DNAH10: variants seen among roughly 807,000 people sequenced by gnomAD.
DNAH10 encodes dynein axonemal heavy chain 10.
A neutral mutation model predicts 506.6 loss-of-function variants in DNAH10; 348 were observed. The ratio of observed to expected loss-of-function variants is 0.69; its 90% confidence interval spans 0.63 to 0.75. DNAH10 has a LOEUF of 0.75. DNAH10 is among the 30% of genes least tolerant of loss of function. The pLI, the probability that DNAH10 is intolerant of heterozygous loss-of-function variation, is 0.00. For missense variants in DNAH10, 5,179 were observed against 5,787.1 expected, an observed-to-expected ratio of 0.89 and a Z score of 3.41; for synonymous variants, 2,059 against 2,198.6, an observed-to-expected ratio of 0.94 and a Z score of 1.78.
chr12:123,824,121 G>A (rs767355024), intron 24 of DNAH10, among the ~76,000 whole-genome samples: 8 of 152,136 alleles, frequency 5.3e-5, no homozygotes, highest in Non-Finnish European at 7.4e-5. Context: ...GGGTGGCAGC[G>A]GTGCAGGTTG....
chr12:123,845,954 C>T lies in DNAH10; in HGVS notation c.5631-17C>T, dbSNP rs752937906. 2 of 1,613,454 alleles carry T rather than the reference C, an allele frequency of 1.2e-6. No individual in the cohort carries two copies. The highest frequency in any genetic ancestry group is 2.2e-5 in the East Asian group (1 of 44,876). ...GTCTCAACGGTTTCCACTTCCTCCA[C>T]CTTTCTTGCCGTCCAGTATCCTGGA... On this transcript the variant is annotated splice_polypyrimidine_tract_variant and intron_variant, in intron 31 of 78. Transcript: ENST00000673944.
chr12:123,928,918 T>A lies in DNAH10; in HGVS notation c.12306+331T>A. The A allele has an allele frequency of 2.1e-6, 1 of 469,490 alleles. No homozygotes were observed. The allele number at this position is 469,490 out of a possible 1,614,324, so 29.1% of individuals were successfully genotyped here. On this transcript the variant is annotated intron_variant, in intron 70 of 78. Coordinates refer to ENST00000673944, the MANE Select transcript of DNAH10 (RefSeq NM_001372106.1). This position sits in a 1 kb window ranked among gnomAD's most constrained non-coding sequence, Gnocchi z 4.9. ...CTGACTGCAGGAGTTTCGCGTGGTT[T>A]ACATGCCCCATTTAATTTATTCTCC... is the stretch of plus-strand genomic sequence containing the variant.
chr12:123,845,814 G>A lies in DNAH10; in HGVS notation c.5575G>A (p.Val1859Ile). The change falls in exon 31 of 79, where the codon GTT (valine) becomes ATT (isoleucine). Residue 1859 changes from valine to isoleucine, a missense_variant. Transcript: ENST00000673944. ...AAACGACAGGAAAAAATACAACACT[G>A]TTCTCATCATTGATGTGCATGCCAG... ...SKNDRKKYNT[V>I]LIIDVHARDI... The A allele has an allele frequency of 6.2e-7, 1 of 1,614,030 alleles. No homozygotes were observed. Among genetic ancestry groups the A allele is most frequent in the Non-Finnish European group, 8.5e-7 (1 of 1,179,900 alleles).
chr12:123,864,025 G>A (rs1385233106), intron 39 of DNAH10, among the ~76,000 whole-genome samples: 3 of 152,122 alleles, frequency 2.0e-5, no homozygotes, highest in Admixed American at 1.3e-4. Context: ...TTGTTCCCAC[G>A]AAGGAATCCA....
chr12:123,908,555 C>T (rs779757215), intron 57 of DNAH10: 36 of 455,990 alleles, frequency 7.9e-5, no homozygotes, highest in Non-Finnish European at 1.4e-4. Flanking sequence ...TGGGATGCCC[C>T]GGTGAGATGG....
At position 123,923,754 on chromosome 12, in the gene DNAH10, T is replaced by G; in HGVS notation, c.11507-9T>G. 6.3e-7 allele frequency: 1 copy of G among 1,584,834 alleles called. No homozygotes were observed. The highest frequency in any genetic ancestry group is 8.6e-7 in the Non-Finnish European group (1 of 1,168,260). On this transcript the variant is annotated splice_polypyrimidine_tract_variant and intron_variant, in intron 65 of 78. Coordinates refer to ENST00000673944, the MANE Select transcript of DNAH10 (RefSeq NM_001372106.1). ...AAGAAATCAATACTCATCTGATGTT[T>G]CCCTCCAGGGCTGTTTGAGAGGCAC...
intron 28 of DNAH10, among the ~76,000 whole-genome samples, chr12:123,837,138 A>G (rs920500262): frequency 9.7e-5 from 14 of 144,870 alleles, no homozygotes; most frequent in African/African-American, 3.6e-4. Flanking sequence ...GATGTGAGCC[A>G]CTGTGCCCAG....
At chr12:123,821,956 C>T (rs183939670) in intron 24 of DNAH10, among the ~76,000 whole-genome samples, 62 of 152,094 alleles carry the variant, frequency 4.1e-4, no homozygotes, top group Non-Finnish European at 6.5e-4. Flanking sequence ...CCTGTAATCC[C>T]AGCACTTTGG....
rs150466774 is a variant in DNAH10 at position 123,926,685 on chromosome 12, C to A, written c.11970C>A (p.Ser3990Arg). The A allele has an allele frequency of 6.2e-7, 1 of 1,613,966 alleles. No homozygotes were observed. Among genetic ancestry groups the A allele is most frequent in the African/African-American group, 1.3e-5 (1 of 75,026 alleles). The change falls in exon 69 of 79, where the codon AGC becomes AGA. Residue 3990 changes from serine to arginine, a missense_variant. Physicochemically the swap from Ser to Arg is moderately radical, Grantham distance 110. Coordinates refer to ENST00000673944, the MANE Select transcript of DNAH10 (RefSeq NM_001372106.1). The surrounding 1 kb of genome is among the most constrained non-coding windows in gnomAD (Gnocchi z 4.1). ...MISFEAIFEQ[S>R]TPHSPIVFIL... ...GCTTTGAAGCTATTTTTGAGCAGAG[C>A]ACTCCACATTCGCCCATTGTGTTTA...
At chr12:123,838,306 G>A (rs147888704) in intron 28 of DNAH10, 150 bp from the exon 29 acceptor site, 8 of 627,382 alleles carry the variant, frequency 1.3e-5, no homozygotes, top group African/African-American at 9.2e-5. Context: ...AATGATAAAT[G>A]GATCCCCTGA....
intron 39 of DNAH10, 111 bp from the exon 40 acceptor site, chr12:123,864,483 TG>T: frequency 7.0e-7 from 1 of 1,432,322 alleles, no homozygotes; most frequent in Non-Finnish European, 9.3e-7. Context: ...TCTCAGATAC[TG>T]GGTAGAAAAC....
At chr12:123,852,677 G>T (rs2136744642) in intron 35 of DNAH10, among the ~76,000 whole-genome samples, 1 of 152,070 alleles carries the variant, frequency 6.6e-6, no homozygotes, top group East Asian at 1.9e-4. Flanking sequence ...GGTTCAAGCG[G>T]ATTCTCCTGC....
Position 123,931,424 on chromosome 12 carries a change from G to A in DNAH10, c.12868G>A (p.Ala4290Thr). Reference sequence around the variant, plus strand: ...CGCTGAGATTGGCTATTACACGCAGGCGGCTCGAGACATGTGGGCTCACCT... The same window carrying A: ...CGCTGAGATTGGCTATTACACGCAGACGGCTCGAGACATGTGGGCTCACCT... ...PNAEIGYYTQ[A>T]ARDMWAHLLE... Residue 4290 changes from alanine to threonine, a missense_variant, in exon 74 of 79, where the codon GCG becomes ACG. Ala to Thr is a moderately conservative substitution (Grantham distance 58). Transcript: ENST00000673944. 1.9e-6 allele frequency: 3 copies of A among 1,614,000 alleles called. No homozygotes were observed. The highest frequency in any genetic ancestry group is 2.5e-6 in the Non-Finnish European group (3 of 1,179,898).
chr12:123,913,050 C>G lies in DNAH10; in HGVS notation c.10135-48C>G, dbSNP rs548012748. The G allele has an allele frequency of 6.5e-7, 1 of 1,547,366 alleles. No homozygotes were observed. Among genetic ancestry groups the G allele is most frequent in the South Asian group, 1.2e-5 (1 of 83,768 alleles). On this transcript the variant is annotated intron_variant, in intron 59 of 78. Coordinates refer to ENST00000673944, the MANE Select transcript of DNAH10 (RefSeq NM_001372106.1). This position sits in a 1 kb window ranked among gnomAD's most constrained non-coding sequence, Gnocchi z 5.1. The stretch of plus-strand genomic sequence containing the variant: ...TGGTTTGAGGCCATGGGATCGCGGC[C>G]CCACCACGGTCCTTTTCCCCATCTT...
At position 123,850,605 on chromosome 12, in the gene DNAH10, A is replaced by C. The variant is rs752053399; in HGVS notation, c.6103-283A>C. 1.4e-4 allele frequency among the ~76,000 whole-genome samples: 21 copies of C among 152,208 alleles called. No homozygotes were observed. The highest frequency in any genetic ancestry group is 2.8e-4 in the Non-Finnish European group (19 of 68,036). On this transcript the variant is annotated intron_variant, in intron 34 of 78. Transcript: ENST00000673944. The surrounding 1 kb of genome is among the most constrained non-coding windows in gnomAD (Gnocchi z 5.5). ...TGCTGAGGGTCACACAGCTTCTTGT[A>C]TCAGCCCCAGACTCTGTGCTTCGCC...
At chr12:123,820,042 A>G (rs778899151) in intron 23 of DNAH10, among the ~76,000 whole-genome samples, 17 of 152,184 alleles carry the variant, frequency 1.1e-4, no homozygotes, top group Non-Finnish European at 2.1e-4. Flanking sequence ...GGTAAATACC[A>G]TGAGACAAAA....
chr12:123,832,466 T>C (rs552558664), intron 26 of DNAH10, among the ~76,000 whole-genome samples: 2 of 152,104 alleles, frequency 1.3e-5, no homozygotes, highest in South Asian at 4.1e-4. Context: ...ATACATATAA[T>C]GTACACATGT....
rs1950957727 is a variant in DNAH10, at chr12:123,846,557, A to G, written c.5814+403A>G. 6.6e-6 allele frequency among the ~76,000 whole-genome samples: 1 copy of G among 152,186 alleles called. No individual in the cohort carries two copies. Among genetic ancestry groups the G allele is most frequent in the Non-Finnish European group, 1.5e-5 (1 of 68,034 alleles). The stretch of plus-strand genomic sequence containing the variant: ...AGTGTCTCCCTCCAGGACAGAGGGT[A>G]AACTTGTTTGTTGTACAGGAAATGA... On this transcript the variant is annotated intron_variant, in intron 32 of 78. Transcript: ENST00000673944. The surrounding 1 kb of genome is among the most constrained non-coding windows in gnomAD (Gnocchi z 4.5).
chr12:123,870,645 A>G (rs1314479979), intron 44 of DNAH10, among the ~76,000 whole-genome samples, 160 bp downstream of exon 44: 1 of 152,178 alleles, frequency 6.6e-6, no homozygotes, highest in Admixed American at 6.5e-5. Context: ...CCTCCTGGGC[A>G]TGGAGGGTGG....
Sources: gnomAD v4.1 joint callset for allele counts (sites outside exome capture counted in the v4.1 genomes callset) on GRCh38, gnomAD v4.1.1 for gene constraint, Gnocchi (gnomAD v3.1) non-coding constraint, MANE v1.5 for transcripts, NCBI Gene and HGNC (gene_info 2026-07-23, HGNC 2026-07-21) for gene names.